The following ZCWPW2 variants were observed in gnomAD, a reference collection of about 807,000 sequenced individuals.
ZCWPW2 encodes zinc finger CW-type PWWP domain protein 2.
ZCWPW2 carries 45 observed loss-of-function variants against 46.6 expected under a neutral mutation model. That is an observed-to-expected ratio of 0.96 (90% CI 0.76 to 1.24). The LOEUF (loss-of-function observed/expected upper bound fraction) is 1.24. Among genes scored for constraint, ZCWPW2 ranks in the 50% most tolerant of loss-of-function variants. The probability of loss-of-function intolerance (pLI) is 0.00; values close to 1 mark genes in which losing one functional copy is unlikely to be tolerated. For synonymous variants in ZCWPW2, 152 were observed against 137.1 expected (o/e 1.11, Z -0.76); for missense variants, 429 against 403.9 (o/e 1.06, Z -0.53).
chr3:28,442,859 G>A (rs1018282589), intron 4 of ZCWPW2, among the ~76,000 whole-genome samples: 14 of 152,158 alleles, frequency 9.2e-5, no homozygotes, highest in Middle Eastern at 3.2e-3. Context: ...GTCCTTGATG[G>A]TGGCACTAGT....
At chr3:28,444,400 C>A (rs1457989807) in intron 4 of ZCWPW2, among the ~76,000 whole-genome samples, 1 of 152,114 alleles carries the variant, frequency 6.6e-6, no homozygotes, top group Non-Finnish European at 1.5e-5. Context: ...TTGTCTCAGG[C>A]AGTGTAGGGT....
At chr3:28,378,800 G>A (rs1411354894) in intron 1 of ZCWPW2, among the ~76,000 whole-genome samples, 1 of 151,992 alleles carries the variant, frequency 6.6e-6, no homozygotes, top group Non-Finnish European at 1.5e-5. Flanking sequence ...TAGATGCTAG[G>A]GATAAAGCAA....
rs1056722149 is a variant in ZCWPW2, at chr3:28,353,661, T to G, written c.-134+4458T>G. ...ATGTTTGCATTCAATAGGAATTGTT[T>G]GCTGACAGAGGTTTTTTTTTCTTTT... On this transcript the variant is annotated intron_variant, in intron 1 of 9. Coordinates refer to ENST00000383768, the MANE Select transcript of ZCWPW2 (RefSeq NM_001040432.4). Among the ~76,000 whole-genome samples the G allele has an allele frequency of 1.6e-4, 24 of 152,378 alleles. No homozygotes were observed. The East Asian group carries it at 4.4e-3, about 28-fold the overall frequency.
intron 3 of ZCWPW2, among the ~76,000 whole-genome samples, chr3:28,423,362 C>CTTT (rs1168607790): frequency 2.1e-4 from 23 of 110,842 alleles, no homozygotes; most frequent in African/African-American, 3.1e-4. Flanking sequence ...TGTGAGCTAT[C>CTTT]TTTTTTTTTT....
At chr3:28,405,123 A>G (rs1193575924) in intron 2 of ZCWPW2, among the ~76,000 whole-genome samples, 1 of 152,224 alleles carries the variant, frequency 6.6e-6, no homozygotes, top group East Asian at 1.9e-4. Flanking sequence ...TGGTTATGGA[A>G]TTCCTAAAGC....
In ZCWPW2 at chr3:28,466,054, C is replaced by A. The variant is rs144211021; in HGVS notation, c.493-12760C>A. Among the ~76,000 whole-genome samples, 41 of 152,260 alleles carry A rather than the reference C, an allele frequency of 2.7e-4. No homozygotes were observed. In the East Asian group the frequency reaches 7.9e-3, roughly 29 times the overall value. On this transcript the variant is annotated intron_variant, in intron 4 of 9. Transcript: ENST00000383768. ...TATAGATGGAGTCAGAGGTCATTAT[C>A]CTAAGAGAATCAGTGCAGGAACAGA...
At chr3:28,430,422 T>A (rs544084666) in intron 3 of ZCWPW2, among the ~76,000 whole-genome samples, 1 of 152,342 alleles carries the variant, frequency 6.6e-6, no homozygotes, top group East Asian at 1.9e-4. Flanking sequence ...TATCTAAGAA[T>A]TAACTAACTT....
At chr3:28,431,069 A>G (rs1259937690) in intron 3 of ZCWPW2, among the ~76,000 whole-genome samples, 1 of 152,336 alleles carries the variant, frequency 6.6e-6, no homozygotes, top group South Asian at 2.1e-4. Context: ...TTAACAGATT[A>G]ATAACCTACA....
At chr3:28,370,943 G>A (rs1453074918) in intron 1 of ZCWPW2, among the ~76,000 whole-genome samples, 2 of 152,020 alleles carry the variant, frequency 1.3e-5, no homozygotes, top group Admixed American at 6.6e-5. Context: ...TGTTGGTCAG[G>A]ATGGTCTTGA....
At chr3:28,363,044 G>A (rs901883979) in intron 1 of ZCWPW2, among the ~76,000 whole-genome samples, 1 of 146,772 alleles carries the variant, frequency 6.8e-6, no homozygotes, top group African/African-American at 2.5e-5. Context: ...AACAACAGAC[G>A]CTGGGGCCTA....
intron 6 of ZCWPW2, among the ~76,000 whole-genome samples, chr3:28,497,416 A>C (rs1700021568): frequency 6.6e-6 from 1 of 151,986 alleles, no homozygotes; most frequent in African/African-American, 2.4e-5. Context: ...AGTTTTATTG[A>C]CCAGTCATAT....
intron 3 of ZCWPW2, among the ~76,000 whole-genome samples, chr3:28,423,412 A>G (rs1422582744): frequency 1.5e-5 from 2 of 134,594 alleles, no homozygotes; most frequent in Non-Finnish European, 3.1e-5. Flanking sequence ...TGTCGCCCAG[A>G]CTGGAGTGCA....
At chr3:28,465,374 C>G (rs1468601590) in intron 4 of ZCWPW2, among the ~76,000 whole-genome samples, 1 of 152,032 alleles carries the variant, frequency 6.6e-6, no homozygotes, top group Non-Finnish European at 1.5e-5. Flanking sequence ...AGAAGCCTTT[C>G]AGTGAAAGAT....
intron 2 of ZCWPW2, among the ~76,000 whole-genome samples, chr3:28,409,779 A>G (rs530415829): frequency 6.6e-6 from 1 of 152,326 alleles, no homozygotes; most frequent in Non-Finnish European, 1.5e-5. Flanking sequence ...TTGTTTTAAT[A>G]CAAGTTAGGA....
intron 6 of ZCWPW2, among the ~76,000 whole-genome samples, chr3:28,493,294 C>T (rs1699890237): frequency 1.4e-5 from 1 of 72,634 alleles, no homozygotes; most frequent in African/African-American, 5.4e-5. Context: ...TGCTATCCCT[C>T]CCCCCTCCCC....
chr3:28,377,960 A>C (rs562896998), intron 1 of ZCWPW2, among the ~76,000 whole-genome samples: 20 of 152,190 alleles, frequency 1.3e-4, no homozygotes, highest in Admixed American at 3.9e-4. Context: ...CAGCCATTAA[A>C]TATGCCAGTA....
chr3:28,355,193 T>G (rs1704685162), intron 1 of ZCWPW2, among the ~76,000 whole-genome samples: 1 of 152,174 alleles, frequency 6.6e-6, no homozygotes, highest in Non-Finnish European at 1.5e-5. Flanking sequence ...ATCACAAGCA[T>G]TCTTATACAC....
intron 5 of ZCWPW2, among the ~76,000 whole-genome samples, chr3:28,482,698 G>C (rs761271448): frequency 1.9e-4 from 29 of 152,134 alleles, no homozygotes; most frequent in Non-Finnish European, 1.2e-4. Context: ...CACTCTAGTA[G>C]GTGTGTAGTG....
At chr3:28,509,955 G>A (rs977608003) in intron 6 of ZCWPW2, among the ~76,000 whole-genome samples, 4 of 152,094 alleles carry the variant, frequency 2.6e-5, no homozygotes, top group East Asian at 3.9e-4. Flanking sequence ...TATCTCTAAC[G>A]TTTACATTTT....
Sources: allele counts gnomAD v4.1 joint callset (sites outside exome capture counted in the v4.1 genomes callset), GRCh38; gene constraint gnomAD v4.1.1; transcripts MANE v1.5; gene names NCBI Gene and HGNC (gene_info 2026-07-23, HGNC 2026-07-21).